The following PLXND1 variants were observed in gnomAD, a reference collection of about 807,000 sequenced individuals.
PLXND1 encodes plexin-D1.
A neutral mutation model predicts 197.7 loss-of-function variants in PLXND1; 54 were observed. The observed-to-expected ratio is 0.27, with a 90% CI of 0.22 to 0.34. The LOEUF (loss-of-function observed/expected upper bound fraction) is 0.34, where lower values mean the gene tolerates loss of function less well. Ranked by LOEUF, PLXND1 falls within the 10% of genes least tolerant of loss-of-function variation. The pLI, the probability that PLXND1 is intolerant of heterozygous loss-of-function variation, is 1.00. For missense variants in PLXND1, 2,127 were observed against 2,699.2 expected (o/e 0.79, Z 4.70); for synonymous variants, 1,180 against 1,161.2 (o/e 1.02, Z -0.33).
Position 129,586,727 on chromosome 3 carries a change from G to C in PLXND1, c.1489-8C>G, listed in dbSNP as rs201033313. On this transcript the variant is annotated splice_region_variant and splice_polypyrimidine_tract_variant and intron_variant, in intron 2 of 35. Coordinates refer to ENST00000324093, the MANE Select transcript of PLXND1 (RefSeq NM_015103.3). Reference sequence around the variant, plus strand: ...GCTCTCGTTCAGGTTGATCTGTGGGGGTAGTGGGCATCAGGGTGCTGGAGC... The same window carrying C: ...GCTCTCGTTCAGGTTGATCTGTGGGCGTAGTGGGCATCAGGGTGCTGGAGC... The C allele has an allele frequency of 1.3e-5, 20 of 1,599,544 alleles. No individual in the cohort carries two copies. In the East Asian group the frequency reaches 4.1e-4, roughly 32 times the overall value.
intron 8 of PLXND1, among the ~76,000 whole-genome samples, chr3:129,581,841 C>A (rs1291641740): frequency 6.6e-6 from 1 of 152,250 alleles, no homozygotes; most frequent in African/African-American, 2.4e-5. Flanking sequence ...GAGGCTGGGT[C>A]CTCCTCGCAT....
At chr3:129,589,322 C>CCCCCCCA in intron 2 of PLXND1, 29 bp downstream of exon 2, 1 of 1,003,150 alleles carries the variant, frequency 1.0e-6, no homozygotes, top group Non-Finnish European at 1.5e-6. Flanking sequence ...CCACCCCCAC[C>CCCCCCCA]CCCTCCCCAC....
At position 129,584,250 on chromosome 3, in the gene PLXND1, A is replaced by C. The variant is rs185821522; in HGVS notation, c.2030-17T>G. On this transcript the variant is annotated splice_polypyrimidine_tract_variant and intron_variant, in intron 6 of 35. Coordinates refer to ENST00000324093, the MANE Select transcript of PLXND1 (RefSeq NM_015103.3). ...TCACGTGGTCTGGAATGGATGGGGGAGCCAGGGGAGGACATGGGGGCAGGG... is the reference window on the plus strand; with the variant it reads ...TCACGTGGTCTGGAATGGATGGGGGCGCCAGGGGAGGACATGGGGGCAGGG... The C allele has an allele frequency of 9.4e-5, 150 of 1,595,834 alleles. No homozygotes were observed. The African/African-American group carries it at 1.8e-3, about 20-fold the overall frequency.
chr3:129,605,993 T>C lies in PLXND1; in HGVS notation c.647A>G (p.Tyr216Cys), dbSNP rs1287996730. 2 of 1,610,838 alleles carry C rather than the reference T, an allele frequency of 1.2e-6. No homozygotes were observed. Among genetic ancestry groups the C allele is most frequent in the Non-Finnish European group, 1.7e-6 (2 of 1,179,664 alleles). Reference sequence around the variant, plus strand: ...GTTGCGCGGGAAGAAGGAGCTGCCGTAACCGGTGTACGTGGCGCCCACGAG... The same window carrying C: ...GTTGCGCGGGAAGAAGGAGCTGCCGCAACCGGTGTACGTGGCGCCCACGAG... ...RLLVGATYTG[Y>C]GSSFFPRNRS... The change falls in exon 1 of 36, where the codon TAC (tyrosine) becomes TGC (cysteine). Residue 216 changes from tyrosine to cysteine, a missense_variant. By Grantham distance (194) the Tyr-to-Cys change is radical (BLOSUM62 -2). This residue lies in a region of PLXND1 where 1,095 missense variants were observed against 1,259.8 expected (regional missense o/e 0.87). Transcript: ENST00000324093.
intron 15 of PLXND1, 131 bp from the exon 16 acceptor site, chr3:129,571,975 C>G (rs1409611444): frequency 2.6e-5 from 20 of 782,568 alleles, no homozygotes; most frequent in Non-Finnish European, 3.9e-5. Context: ...GGTCCCAACT[C>G]ATCTTCTGCC....
At chr3:129,575,591 G>A (rs2085301396) in intron 10 of PLXND1, 29 bp from the exon 11 acceptor site, 2 of 1,503,434 alleles carry the variant, frequency 1.3e-6, no homozygotes, top group Admixed American at 2.0e-5. Flanking sequence ...GAGCATAGGG[G>A]GCATGGGCAA....
Position 129,565,970 on chromosome 3 carries a change from G to T in PLXND1, c.4239C>A (p.Phe1413Leu). 6.2e-7 allele frequency: 1 copy of T among 1,614,032 alleles called. No individual in the cohort carries two copies. The highest frequency in any genetic ancestry group is 8.5e-7 in the Non-Finnish European group (1 of 1,179,874). ...AGTGCTTGTTGTTGAGTAGTGAGGAGAACAAGCTAATTCCCTCTTCCATGT... is the reference window on the plus strand; with the variant it reads ...AGTGCTTGTTGTTGAGTAGTGAGGATAACAAGCTAATTCCCTCTTCCATGT... ...RPNMEEGISL[F>L]SSLLNNKHFL... Residue 1413 changes from phenylalanine (F) to leucine (L), a missense_variant, in exon 24 of 36, where the codon TTC becomes TTA. Physicochemically the swap from Phe to Leu is conservative, Grantham distance 22 (BLOSUM62 0). Coordinates refer to ENST00000324093, the MANE Select transcript of PLXND1 (RefSeq NM_015103.3).
In PLXND1 at chr3:129,586,016, C is replaced by A. The variant is rs200419985; in HGVS notation, c.1787G>T (p.Gly596Val). The change falls in exon 5 of 36, where the codon GGC becomes GTC. Residue 596 changes from glycine to valine, a missense_variant. Coordinates refer to ENST00000324093, the MANE Select transcript of PLXND1 (RefSeq NM_015103.3). ...GGTCATGGCAGGACAGCGGCTGGGGCCCTCGCTGGCACTGGTCCAGAAATG... is the reference window on the plus strand; with the variant it reads ...GGTCATGGCAGGACAGCGGCTGGGGACCTCGCTGGCACTGGTCCAGAAATG... ...QQHFWTSASEGPSRCPAMTVL... is the reference protein window; with the variant it reads ...QQHFWTSASEVPSRCPAMTVL... The A allele has an allele frequency of 6.2e-7, 1 of 1,613,754 alleles. No individual in the cohort carries two copies. The highest frequency in any genetic ancestry group is 1.3e-5 in the African/African-American group (1 of 74,940).
chr3:129,572,824 G>A lies in PLXND1; in HGVS notation c.2937+18C>T, dbSNP rs1560067826. 5.0e-6 allele frequency: 8 copies of A among 1,612,688 alleles called. No homozygotes were observed. The highest frequency in any genetic ancestry group is 6.8e-6 in the Non-Finnish European group (8 of 1,179,058). ...GCGTGCTGGGCGGGCCGGACAGTGGGCTGCAGCCCCCCCTTACCACGTAGG... is the reference window on the plus strand; with the variant it reads ...GCGTGCTGGGCGGGCCGGACAGTGGACTGCAGCCCCCCCTTACCACGTAGG... On this transcript the variant is annotated intron_variant, in intron 14 of 35. Transcript: ENST00000324093.
intron 19 of PLXND1, among the ~76,000 whole-genome samples, chr3:129,570,209 C>T (rs1425670874): frequency 6.6e-6 from 1 of 152,084 alleles, no homozygotes; most frequent in African/African-American, 2.4e-5. Context: ...TCATTACAGC[C>T]TGGGAGGAGT....
At position 129,567,550 on chromosome 3, in the gene PLXND1, C is replaced by T. The variant is rs1289714715; in HGVS notation, c.4028G>A (p.Ser1343Asn). The T allele has an allele frequency of 1.2e-6, 2 of 1,612,336 alleles. No homozygotes were observed. The highest frequency in any genetic ancestry group is 1.7e-5 in the Admixed American group (1 of 59,790). ...MTDLTKELNR[S>N]QGIPFLEYKH... is the part of the protein sequence containing the mutation. ...ATACTCCAGGAAGGGGATGCCCTGGCTGCGGTTCAGCTCCTTGGTGAGATC... is the reference window on the plus strand; with the variant it reads ...ATACTCCAGGAAGGGGATGCCCTGGTTGCGGTTCAGCTCCTTGGTGAGATC... Residue 1343 changes from serine to asparagine, a missense_variant, in exon 22 of 36, where the codon AGC becomes AAC. Physicochemically the swap from Ser to Asn is conservative, Grantham distance 46. Coordinates refer to ENST00000324093, the MANE Select transcript of PLXND1 (RefSeq NM_015103.3).
Position 129,572,909 on chromosome 3 carries a change from G to T in PLXND1, c.2870C>A (p.Pro957Gln). 6.2e-7 allele frequency: 1 copy of T among 1,613,698 alleles called. No individual in the cohort carries two copies. Among genetic ancestry groups the T allele is most frequent in the South Asian group, 1.1e-5 (1 of 91,076 alleles). The change falls in exon 14 of 36, where the codon CCA becomes CAA. Residue 957 changes from proline to glutamine, a missense_variant. Physicochemically the swap from Pro to Gln is moderately conservative, Grantham distance 76 (BLOSUM62 -1). This residue lies in a region of PLXND1 where 1,095 missense variants were observed against 1,259.8 expected (regional missense o/e 0.87). Transcript: ENST00000324093. ...IVCVTGPAPG[P>Q]LSGVVTVNAS... ...GTTCACGGTCACCACACCTGAGAGTGGTCCTGGGGCTGGCCCTGTGACACA... is the reference window on the plus strand; with the variant it reads ...GTTCACGGTCACCACACCTGAGAGTTGTCCTGGGGCTGGCCCTGTGACACA...
chr3:129,589,307 G>GCCGGGGGGGCC, intron 2 of PLXND1, 44 bp downstream of exon 2: 1 of 684,692 alleles, frequency 1.5e-6, no homozygotes, highest in Non-Finnish European at 2.6e-6. Context: ...TCCCAGGGGA[G>GCCGGGGGGGCC]CCTCCCACCC....
chr3:129,583,780 A>C, intron 7 of PLXND1, 111 bp from the exon 8 acceptor site: 19 of 711,352 alleles, frequency 2.7e-5, no homozygotes, highest in Non-Finnish European at 4.1e-5. Flanking sequence ...GGTCTTTCTC[A>C]TCATCGGGGC....
Position 129,560,733 on chromosome 3 carries a change from GA to G in PLXND1, c.4994-11del. 1 of 1,548,120 alleles carries G rather than the reference GA, an allele frequency of 6.5e-7. No homozygotes were observed. The highest frequency in any genetic ancestry group is 8.9e-7 in the Non-Finnish European group (1 of 1,120,762). On this transcript the variant is annotated splice_polypyrimidine_tract_variant and intron_variant, in intron 29 of 35. Coordinates refer to ENST00000324093, the MANE Select transcript of PLXND1 (RefSeq NM_015103.3). Reference sequence around the variant, plus strand: ...GTGTCCAAGTCTTTCACTGTGAGAGGAAAAACACAATAAATAAACACGGGAG... The same window carrying G: ...GTGTCCAAGTCTTTCACTGTGAGAGGAAAACACAATAAATAAACACGGGAG...
intron 8 of PLXND1, among the ~76,000 whole-genome samples, chr3:129,578,772 T>C (rs1448691013): frequency 2.0e-5 from 3 of 152,204 alleles, no homozygotes; most frequent in African/African-American, 7.2e-5. Context: ...TCCCTGTCTC[T>C]GGGCCTCACC....
At chr3:129,604,213 G>A (rs2085751607) in intron 1 of PLXND1, among the ~76,000 whole-genome samples, 1 of 152,030 alleles carries the variant, frequency 6.6e-6, no homozygotes. Flanking sequence ...GAGCCCCACG[G>A]CCCTCTCCTG....
chr3:129,558,424 T>C lies in PLXND1; in HGVS notation c.5445+4A>G, dbSNP rs1389951796. Reference sequence around the variant, plus strand: ...GGCCTGGCCTGGTCCTGGGAACAGCTGACCTTGCCCAGCTGCAGGTCAGAG... The same window carrying C: ...GGCCTGGCCTGGTCCTGGGAACAGCCGACCTTGCCCAGCTGCAGGTCAGAG... On this transcript the variant is annotated splice_donor_region_variant and intron_variant, in intron 33 of 35. Coordinates refer to ENST00000324093, the MANE Select transcript of PLXND1 (RefSeq NM_015103.3). The surrounding 1 kb of genome is among the most constrained non-coding windows in gnomAD (Gnocchi z 4.1). 3 of 1,613,134 alleles carry C rather than the reference T, an allele frequency of 1.9e-6. No individual in the cohort carries two copies. In the East Asian group the frequency reaches 6.7e-5, roughly 36 times the overall value.
At chr3:129,579,258 A>C (rs992208873) in intron 8 of PLXND1, among the ~76,000 whole-genome samples, 1 of 152,138 alleles carries the variant, frequency 6.6e-6, no homozygotes, top group Non-Finnish European at 1.5e-5. Flanking sequence ...CTGAGGGCGG[A>C]GGACAGGGCT....
Sources: allele counts gnomAD v4.1 joint callset (sites outside exome capture counted in the v4.1 genomes callset), GRCh38; gene constraint gnomAD v4.1.1; regional missense constraint gnomAD v4.1.1; non-coding constraint Gnocchi (gnomAD v3.1); transcripts MANE v1.5; gene names NCBI Gene and HGNC (gene_info 2026-07-23, HGNC 2026-07-21).